The following CTU2 variants were observed in gnomAD, a reference collection of about 807,000 sequenced individuals.
CTU2 encodes cytoplasmic tRNA 2-thiolation protein 2.
Under a neutral mutation model 64.1 loss-of-function variants are expected in CTU2, and 80 were observed. The observed-to-expected ratio is 1.25, with a 90% CI of 1.04 to 1.50. The LOEUF is 1.50. Among genes scored for constraint, CTU2 ranks in the 40% most tolerant of loss-of-function variants. The pLI, the probability that CTU2 is intolerant of heterozygous loss-of-function variation, is 0.00. For synonymous variants in CTU2, 482 were observed against 285.3 expected (o/e 1.69, Z -6.95); for missense variants, 1,110 against 690.2 (o/e 1.61, Z -6.81).
At position 88,713,350 on chromosome 16, in the gene CTU2, A is replaced by C. The variant is rs760300268; in HGVS notation, c.776A>C (p.Tyr259Ser). The change falls in exon 8 of 15, where the codon TAC becomes TCC. Residue 259 changes from tyrosine to serine, a missense_variant. Physicochemically the swap from Tyr to Ser is moderately radical, Grantham distance 144. Transcript: ENST00000453996. The stretch of plus-strand genomic sequence containing the variant: ...CTCCACATGGCCCGAGCCCACGGCT[A>C]CTCCAAGGTCATGACTGGGGACAGC... ...LILHMARAHG[Y>S]SKVMTGDSCT... is the part of the protein sequence containing the mutation. 2 of 1,584,110 alleles carry C rather than the reference A, an allele frequency of 1.3e-6. No homozygotes were observed. The highest frequency in any genetic ancestry group is 1.4e-5 in the African/African-American group (1 of 72,258).
intron 6 of CTU2, 115 bp downstream of exon 6, chr16:88,712,498 G>C: frequency 6.9e-7 from 1 of 1,458,254 alleles, no homozygotes; most frequent in Non-Finnish European, 9.3e-7. Flanking sequence ...GTCGGTGGGG[G>C]GTGGGAGGCA....
rs772622842 is a variant in CTU2, at chr16:88,712,381, G to A, written c.451G>A (p.Glu151Lys). ...GFPWHVVALE[E>K]VFSLPPSVLW... ...CCCATGGCATGTGGTGGCCTTAGAG[G>A]AGGTGGGAGGGCTGTCCCTGGAAAG... The change falls in exon 6 of 15, where the codon GAG becomes AAG. Residue 151 changes from glutamate to lysine, a missense_variant and splice_region_variant. Transcript: ENST00000453996. 37 of 1,601,278 alleles carry A rather than the reference G, an allele frequency of 2.3e-5. No individual in the cohort carries two copies. In the Admixed American group the frequency reaches 6.1e-4, roughly 27 times the overall value.
chr16:88,706,527 G>A lies in CTU2; in HGVS notation c.-4G>A, dbSNP rs773309426. On this transcript the variant is annotated 5_prime_UTR_variant, in exon 1 of 15. Transcript: ENST00000453996. ...CACAGTCTGCGACGGGACCCGGCGT[G>A]CCCATGTGTCAGGTGGGCGAGGACT... is the stretch of plus-strand genomic sequence containing the variant. The A allele has an allele frequency of 3.3e-5, 48 of 1,448,998 alleles. No homozygotes were observed. Among genetic ancestry groups the A allele is most frequent in the Non-Finnish European group, 4.1e-5 (45 of 1,107,820 alleles). 89.8% of individuals were successfully genotyped at this position (1,448,998 alleles called of 1,614,324 possible).
chr16:88,709,830 C>T, intron 2 of CTU2, 108 bp from the exon 3 acceptor site: 1 of 943,970 alleles, frequency 1.1e-6, no homozygotes, highest in Non-Finnish European at 1.7e-6. Flanking sequence ...GAAGATGCTG[C>T]TTTTAAAGAT....
chr16:88,714,041 C>T, intron 9 of CTU2, 95 bp from the exon 10 acceptor site: 1 of 1,252,596 alleles, frequency 8.0e-7, no homozygotes, highest in Non-Finnish European at 1.2e-6. Context: ...TGTGGGCCAG[C>T]AGCGTGGAAC....
intron 4 of CTU2, 78 bp downstream of exon 4, chr16:88,710,360 G>GAA: frequency 6.6e-7 from 1 of 1,507,448 alleles, no homozygotes; most frequent in Non-Finnish European, 9.2e-7. Context: ...AGCCTGCTGA[G>GAA]GGGCTCTTGG....
Position 88,706,571 on chromosome 16 carries a change from A to C in CTU2, c.41A>C (p.Glu14Ala), listed in dbSNP as rs1910847732. ...GAGGACTACGGGGAGCCGGCGCCTG[A>C]GGAGCCGCCCCCGGCGCCGCGGCCC... is the stretch of plus-strand genomic sequence containing the variant. ...VGEDYGEPAPEEPPPAPRPSR... is the reference protein window; with the variant it reads ...VGEDYGEPAPAEPPPAPRPSR... Residue 14 changes from glutamate to alanine, a missense_variant, in exon 1 of 15, where the codon GAG (glutamate) becomes GCG (alanine). Physicochemically the swap from Glu to Ala is moderately radical, Grantham distance 107. Transcript: ENST00000453996. The C allele has an allele frequency of 6.9e-7, 1 of 1,456,170 alleles. No individual in the cohort carries two copies. The highest frequency in any genetic ancestry group is 9.0e-7 in the Non-Finnish European group (1 of 1,111,150). The allele number at this position is 1,456,170 out of a possible 1,614,324, so 90.2% of individuals were successfully genotyped here.
At chr16:88,706,785 G>A in intron 1 of CTU2, 187 bp downstream of exon 1, 1 of 522,644 alleles carries the variant, frequency 1.9e-6, no homozygotes, top group Non-Finnish European at 3.3e-6. Context: ...CCACTGGCTC[G>A]CGCCTCTCAT....
intron 5 of CTU2, chr16:88,712,035 C>T (rs560976864): frequency 1.0e-4 from 67 of 652,616 alleles, no homozygotes; most frequent in South Asian, 3.0e-4. Context: ...GCCCAGGGGC[C>T]GACTCCCCGA....
chr16:88,715,239 G>C lies in CTU2; in HGVS notation c.1536G>C (p.Ala512=). Residue 512 remains alanine, a synonymous_variant, in exon 15 of 15, where the codon GCG becomes GCC. Transcript: ENST00000453996. ...DCLIEDSDDE[A]GQS is the part of the protein sequence containing the mutation. ...TGATTGAGGACAGTGACGACGAGGC[G>C]GGCCAGAGCTGAGCGTGAGGACGTG... The C allele has an allele frequency of 1.2e-6, 2 of 1,611,912 alleles. No homozygotes were observed. The highest frequency in any genetic ancestry group is 1.1e-5 in the South Asian group (1 of 91,078).
intron 10 of CTU2, 65 bp downstream of exon 10, chr16:88,714,292 G>T: frequency 6.3e-7 from 1 of 1,593,092 alleles, no homozygotes; most frequent in Non-Finnish European, 8.6e-7. Context: ...GTGTGTGCGG[G>T]TGGTGAGCTC....
In CTU2 at chr16:88,713,656, GA is replaced by G; in HGVS notation, c.884del (p.Asp295ValfsTer18). On this transcript the variant is annotated frameshift_variant, in exon 9 of 15. Transcript: ENST00000453996. LOFTEE classifies it high-confidence loss of function. ...AFLAWDTGFS[D>X]ERHGDVVVVR... is the part of the protein sequence containing the mutation. ...CCCCTGCCTCCCGCAGGGCTTCTCG[GA>G]TGAGCGGCACGGGGACGTGGTGGTG... is the stretch of plus-strand genomic sequence containing the variant. 1 of 1,612,312 alleles carries G rather than the reference GA, an allele frequency of 6.2e-7. No homozygotes were observed. Among genetic ancestry groups the G allele is most frequent in the Non-Finnish European group, 8.5e-7 (1 of 1,179,700 alleles).
chr16:88,712,251 C>A (rs770386517), intron 5 of CTU2, 23 bp from the exon 6 acceptor site: 2 of 1,571,546 alleles, frequency 1.3e-6, no homozygotes, highest in Non-Finnish European at 1.7e-6. Context: ...TGAGCCCTGA[C>A]TCTTTCTGCC....
chr16:88,714,787 G>A, intron 12 of CTU2, 50 bp downstream of exon 12: 3 of 1,607,938 alleles, frequency 1.9e-6, no homozygotes, highest in African/African-American at 1.3e-5. Context: ...GGCGGGAGGG[G>A]GACCTGTCCT....
At chr16:88,708,513 C>T (rs7404845) in intron 2 of CTU2, among the ~76,000 whole-genome samples, 43,376 of 152,070 alleles carry the variant, frequency 0.29, 7,945 homozygotes, top group Non-Finnish European at 0.42. Flanking sequence ...ACCTGTGTCT[C>T]CTTGTATGAG....
In CTU2 at chr16:88,714,206, C is replaced by T. The variant is rs760324933; in HGVS notation, c.1076C>T (p.Ser359Phe). The T allele has an allele frequency of 3.7e-6, 6 of 1,607,774 alleles. No homozygotes were observed. Among genetic ancestry groups the T allele is most frequent in the South Asian group, 1.1e-5 (1 of 90,788 alleles). Reference protein sequence around the residue: ...FILRLQTQFPSTVSTVYRTSE... With the variant: ...FILRLQTQFPFTVSTVYRTSE... The stretch of plus-strand genomic sequence containing the variant: ...CTCAGGCTGCAGACCCAGTTCCCCT[C>T]CACTGTCAGCACTGTGTACAGGTGT... The change falls in exon 10 of 15, where the codon TCC becomes TTC. Residue 359 changes from serine to phenylalanine, a missense_variant. By Grantham distance (155) the Ser-to-Phe change is radical. Coordinates refer to ENST00000453996, the MANE Select transcript of CTU2 (RefSeq NM_001012759.3).
chr16:88,710,226 C>T lies in CTU2; in HGVS notation c.226C>T (p.Leu76Phe), dbSNP rs1170579984. 16 of 1,614,080 alleles carry T rather than the reference C, an allele frequency of 9.9e-6. No homozygotes were observed. Among genetic ancestry groups the T allele is most frequent in the East Asian group, 2.2e-5 (1 of 44,884 alleles). The change falls in exon 4 of 15, where the codon CTC becomes TTC. Residue 76 changes from leucine to phenylalanine, a missense_variant. Physicochemically the swap from Leu to Phe is conservative, Grantham distance 22 (BLOSUM62 0). Transcript: ENST00000453996. ...NRLIFPGEKV[L>F]LAWSGGPSSS... Reference sequence around the variant, plus strand: ...AGTGATGTTTTTTCTCCCCCAGGTGCTCTTGGCGTGGTCTGGGGGGCCTTC... The same window carrying T: ...AGTGATGTTTTTTCTCCCCCAGGTGTTCTTGGCGTGGTCTGGGGGGCCTTC...
rs780495568 is a variant in CTU2, at chr16:88,713,770, G to A, written c.997G>A (p.Asp333Asn). The A allele has an allele frequency of 5.1e-5, 82 of 1,612,550 alleles. No homozygotes were observed. Among genetic ancestry groups the A allele is most frequent in the Middle Eastern group, 1.7e-4 (1 of 6,058 alleles). ...SVPSVFTPAV[D>N]TKAPEKASIH... ...TCCTTCTGTCTTCACACCAGCCGTC[G>A]ACACCAAGGTGGGCCTTGTGGGCTG... The change falls in exon 9 of 15, where the codon GAC (aspartate) becomes AAC (asparagine). Residue 333 changes from aspartate (D) to asparagine (N), a missense_variant. Transcript: ENST00000453996.
chr16:88,714,119 A>C lies in CTU2; in HGVS notation c.1006-17A>C, dbSNP rs758875967. ...GCCTCTGGGCTTTCCCATAGCCTCC[A>C]ATCTGATTGTCCCTAGGCCCCTGAA... On this transcript the variant is annotated splice_polypyrimidine_tract_variant and intron_variant, in intron 9 of 14. Coordinates refer to ENST00000453996, the MANE Select transcript of CTU2 (RefSeq NM_001012759.3). 2 of 1,611,116 alleles carry C rather than the reference A, an allele frequency of 1.2e-6. No homozygotes were observed. The highest frequency in any genetic ancestry group is 1.1e-5 in the South Asian group (1 of 91,036).
Sources: gnomAD v4.1 joint callset for allele counts (sites outside exome capture counted in the v4.1 genomes callset) on GRCh38, gnomAD v4.1.1 for gene constraint, MANE v1.5 for transcripts, NCBI Gene and HGNC (gene_info 2026-07-23, HGNC 2026-07-21) for gene names.